The following TTLL11 variants were observed in gnomAD, a reference collection of about 807,000 sequenced individuals.
The protein encoded by TTLL11 is tubulin tyrosine ligase like 11, also known as tubulin polyglutamylase TTLL11.
TTLL11 carries 42 observed loss-of-function variants against 51.7 expected under a neutral mutation model. That is an observed-to-expected ratio of 0.81 (90% CI 0.64 to 1.05). TTLL11 has a LOEUF of 1.05. TTLL11 is among the 50% of genes least tolerant of loss of function. The probability of loss-of-function intolerance (pLI) is 0.00; values close to 1 mark genes in which losing one functional copy is unlikely to be tolerated. For synonymous variants in TTLL11, 381 were observed against 383.5 expected (o/e 0.99, Z 0.08); for missense variants, 799 against 940.4 (o/e 0.85, Z 1.97).
At chr9:121,929,770 G>A (rs756998968) in intron 6 of TTLL11, among the ~76,000 whole-genome samples, 11 of 152,300 alleles carry the variant, frequency 7.2e-5, no homozygotes, top group East Asian at 3.9e-4. Flanking sequence ...TCCGAGGACC[G>A]GCCCTCTGCC....
chr9:122,069,308 G>A (rs1845670647), intron 1 of TTLL11, among the ~76,000 whole-genome samples: 1 of 152,182 alleles, frequency 6.6e-6, no homozygotes, highest in African/African-American at 2.4e-5. Flanking sequence ...CTAGGTCAGA[G>A]ACATTTCAAA....
chr9:121,928,276 G>A (rs1408087292), intron 6 of TTLL11, among the ~76,000 whole-genome samples: 5 of 152,186 alleles, frequency 3.3e-5, no homozygotes, highest in African/African-American at 1.2e-4. Flanking sequence ...GCTTTATTGG[G>A]ATGTAATTGT....
intron 3 of TTLL11, among the ~76,000 whole-genome samples, chr9:122,029,339 G>T (rs1461464649): frequency 6.6e-6 from 1 of 152,158 alleles, no homozygotes. Context: ...CCAGAAGAAA[G>T]CACTGTTATC....
rs141137017 is a variant in TTLL11, at chr9:121,998,933, C to T, written c.694-9163G>A. On this transcript the variant is annotated intron_variant, in intron 3 of 8. Coordinates refer to ENST00000321582, the MANE Select transcript of TTLL11 (RefSeq NM_001139442.2). The stretch of plus-strand genomic sequence containing the variant: ...GAGATTATGGGCATGAGCCACTGTA[C>T]CCGACCCAGAATTTTCATTTTTAGG... Among the ~76,000 whole-genome samples, 36 of 152,316 alleles carry T rather than the reference C, an allele frequency of 2.4e-4. No homozygotes were observed. In the East Asian group the frequency reaches 6.2e-3, roughly 26 times the overall value.
chr9:121,910,683 T>C (rs540620027), intron 6 of TTLL11, among the ~76,000 whole-genome samples: 2 of 152,338 alleles, frequency 1.3e-5, no homozygotes, highest in African/African-American at 4.8e-5. Flanking sequence ...AACATGTCTC[T>C]TTTTTAGGTA....
At chr9:122,006,997 A>AC (rs1445411292) in intron 3 of TTLL11, among the ~76,000 whole-genome samples, 5,818 of 145,760 alleles carry the variant, frequency 0.04, 351 homozygotes, top group Admixed American at 0.092. Context: ...AAAAAAAAAA[A>AC]AAAAAAAAAA....
chr9:121,937,034 A>G (rs767845366), intron 6 of TTLL11, among the ~76,000 whole-genome samples: 3 of 152,256 alleles, frequency 2.0e-5, no homozygotes, highest in Non-Finnish European at 2.9e-5. Context: ...CCAGAAAATG[A>G]CATTTCTTTC....
In TTLL11 at chr9:121,922,833, G is replaced by A. The variant is rs538575330; in HGVS notation, c.1481+51176C>T. Among the ~76,000 whole-genome samples the A allele has an allele frequency of 4.6e-5, 7 of 151,730 alleles. 1 individual carries two copies. In the South Asian group the frequency reaches 1.5e-3, roughly 32 times the overall value. ...ACCTCAAAATCCCAAAGGTTAAGTG[G>A]ACAAGGGATATAAACAGATAATTTC... On this transcript the variant is annotated intron_variant, in intron 6 of 8. Coordinates refer to ENST00000321582, the MANE Select transcript of TTLL11 (RefSeq NM_001139442.2).
chr9:121,895,499 G>A (rs1839438087), intron 6 of TTLL11, among the ~76,000 whole-genome samples: 2 of 151,360 alleles, frequency 1.3e-5, no homozygotes, highest in South Asian at 4.2e-4. Flanking sequence ...GTGTGGTTGT[G>A]TGTAGTTTTG....
chr9:122,062,807 T>G (rs1013122167), intron 1 of TTLL11, among the ~76,000 whole-genome samples: 3 of 151,782 alleles, frequency 2.0e-5, no homozygotes, highest in African/African-American at 4.8e-5. Flanking sequence ...AGAGATGGAG[T>G]CTCACTCTAT....
In TTLL11 at chr9:121,842,249, CT is replaced by C. The variant is rs148390026; in HGVS notation, c.1840+18087del. Among the ~76,000 whole-genome samples the C allele has an allele frequency of 9.0e-3, 1,345 of 149,734 alleles. 26 individuals carry two copies. The highest frequency in any genetic ancestry group is 0.032 in the African/African-American group (1,285 of 40,584). ...GAGATGATCTTTAGGGCTCCCTCTC[CT>C]TTTTTTTAAAAAAAAAAGACACGTG... On this transcript the variant is annotated intron_variant, in intron 8 of 8. Coordinates refer to ENST00000321582, the MANE Select transcript of TTLL11 (RefSeq NM_001139442.2).
chr9:121,862,623 C>T (rs1838046347), intron 7 of TTLL11, among the ~76,000 whole-genome samples: 1 of 152,226 alleles, frequency 6.6e-6, no homozygotes, highest in Non-Finnish European at 1.5e-5. Flanking sequence ...AGACTGGAAG[C>T]AGCCCTTGGC....
chr9:121,863,562 G>GT (rs1438418547), intron 7 of TTLL11, among the ~76,000 whole-genome samples: 7 of 152,170 alleles, frequency 4.6e-5, no homozygotes, highest in Admixed American at 3.9e-4. Context: ...CCTTTCCAAG[G>GT]TAACTCTTCC....
chr9:121,846,610 C>T (rs373136192), intron 8 of TTLL11, among the ~76,000 whole-genome samples: 2 of 152,038 alleles, frequency 1.3e-5, no homozygotes, highest in Admixed American at 6.5e-5. Context: ...TAGAATTAAA[C>T]TAAAAATCAA....
At position 121,989,068 on chromosome 9, in the gene TTLL11, A is replaced by G. The variant is rs1271728116; in HGVS notation, c.1269+127T>C. 1 of 1,513,580 alleles carries G rather than the reference A, an allele frequency of 6.6e-7. No homozygotes were observed. Among genetic ancestry groups the G allele is most frequent in the Non-Finnish European group, 8.8e-7 (1 of 1,131,188 alleles). 93.8% of individuals were successfully genotyped at this position (1,513,580 alleles called of 1,614,324 possible). A position where few individuals can be genotyped will look rare whatever the true frequency, so the allele number is the denominator to read the frequency against. On this transcript the variant is annotated intron_variant, in intron 4 of 8. Coordinates refer to ENST00000321582, the MANE Select transcript of TTLL11 (RefSeq NM_001139442.2). This position sits in a 1 kb window ranked among gnomAD's most constrained non-coding sequence, Gnocchi z 4.2. ...GGGCCCAGGTTTAACACCCAAGCCC[A>G]CAGCACCACCAACACTGTCCCCTCC... is the stretch of plus-strand genomic sequence containing the variant.
At chr9:121,939,628 A>C (rs761747048) in intron 6 of TTLL11, among the ~76,000 whole-genome samples, 43 of 152,212 alleles carry the variant, frequency 2.8e-4, no homozygotes, top group Non-Finnish European at 4.7e-4. Context: ...TCATATCTGC[A>C]GAATCTTGGT....
intron 1 of TTLL11, among the ~76,000 whole-genome samples, chr9:122,080,527 A>AATAT (rs547197512): frequency 1.3e-5 from 2 of 151,664 alleles, no homozygotes; most frequent in African/African-American, 4.9e-5. Context: ...TACAAAAAAA[A>AATAT]ATATATATAT....
intron 6 of TTLL11, among the ~76,000 whole-genome samples, chr9:121,895,723 GAT>G (rs1839467610): frequency 1.0e-5 from 1 of 96,582 alleles, no homozygotes; most frequent in Non-Finnish European, 2.6e-5. Flanking sequence ...GACTGTGTGT[GAT>G]TGTATCTGTG....
At chr9:121,826,183 C>CATAT (rs1564259884) in intron 8 of TTLL11, among the ~76,000 whole-genome samples, 14 of 3,950 alleles carry the variant, frequency 3.5e-3, no homozygotes, top group South Asian at 0.015. Context: ...TAACCAGTAA[C>CATAT]CTATATATAT....
Sources: allele counts gnomAD v4.1 joint callset (sites outside exome capture counted in the v4.1 genomes callset), GRCh38; gene constraint gnomAD v4.1.1; non-coding constraint Gnocchi (gnomAD v3.1); transcripts MANE v1.5; gene names NCBI Gene and HGNC (gene_info 2026-07-23, HGNC 2026-07-21).